Variants in DHX9 observed in about 807,000 individuals in gnomAD.
DHX9 encodes the protein DExH-box helicase 9.
In DHX9, 27 loss-of-function variants were observed where a neutral mutation model predicts 148.7. That is an observed-to-expected ratio of 0.18 (90% CI 0.13 to 0.25). The LOEUF is 0.25. Ranked by LOEUF, DHX9 falls within the 10% of genes least tolerant of loss-of-function variation. DHX9 has a pLI of 1.00. For synonymous variants in DHX9, 529 were observed against 516.6 expected, an observed-to-expected ratio of 1.02 and a Z score of -0.33; for missense variants, 796 against 1,559.6, an observed-to-expected ratio of 0.51 and a Z score of 8.25.
Position 182,867,025 on chromosome 1 carries a change from A to T in DHX9, c.1539A>T (p.Ile513=). The stretch of plus-strand genomic sequence containing the variant: ...TCAGTCATGTAATTGTAGATGAAAT[A>T]CATGAAAGAGATATTAATGTAAGTA... The part of the protein sequence containing the change: ...RGISHVIVDE[I]HERDINTDFL... The change falls in exon 14 of 28, where the codon ATA becomes ATT. Residue 513 remains isoleucine (I), a synonymous_variant. Transcript: ENST00000367549. The T allele has an allele frequency of 5.0e-6, 8 of 1,603,724 alleles. No homozygotes were observed. Among genetic ancestry groups the T allele is most frequent in the South Asian group, 1.1e-5 (1 of 89,264 alleles).
intron 27 of DHX9, 69 bp downstream of exon 27, chr1:182,884,882 G>A (rs3130492): frequency 0.61 from 901,706 of 1,480,464 alleles, 283,160 homozygotes; most frequent in East Asian, 0.91. Flanking sequence ...TAGAATTCCT[G>A]AAGTTAGTGA....
At chr1:182,886,201 A>AT (rs931293171) in intron 27 of DHX9, among the ~76,000 whole-genome samples, 1 of 150,884 alleles carries the variant, frequency 6.6e-6, no homozygotes, top group Non-Finnish European at 1.5e-5. Flanking sequence ...TTATTTATTT[A>AT]TTTATTTATT....
chr1:182,871,969 G>A (rs955310660), intron 14 of DHX9, among the ~76,000 whole-genome samples: 2 of 152,044 alleles, frequency 1.3e-5, no homozygotes, highest in African/African-American at 4.8e-5. Context: ...ACCACACTGG[G>A]CTAATTTTGT....
chr1:182,878,980 A>G (rs1392393667), intron 20 of DHX9, among the ~76,000 whole-genome samples: 1 of 152,260 alleles, frequency 6.6e-6, no homozygotes, highest in Admixed American at 6.5e-5. Context: ...GGGTGGAGCT[A>G]ATAACATTCG....
At position 182,855,054 on chromosome 1, in the gene DHX9, A is replaced by G. The variant is rs117186190; in HGVS notation, c.626+876A>G. ...GCATCTAGCGACCCTGAAATAATTAATATTAATACAAAATTTTGTCACTGA... is the reference window on the plus strand; with the variant it reads ...GCATCTAGCGACCCTGAAATAATTAGTATTAATACAAAATTTTGTCACTGA... On this transcript the variant is annotated intron_variant, in intron 6 of 27. Coordinates refer to ENST00000367549, the MANE Select transcript of DHX9 (RefSeq NM_001357.5). Among the ~76,000 whole-genome samples the G allele has an allele frequency of 3.9e-3, 585 of 151,896 alleles. 2 individuals are homozygous for G. The highest frequency in any genetic ancestry group is 9.0e-3 in the East Asian group (47 of 5,194).
chr1:182,880,451 A>G (rs1649036274), intron 21 of DHX9, 46 bp from the exon 22 acceptor site: 2 of 1,294,406 alleles, frequency 1.5e-6, no homozygotes, highest in Non-Finnish European at 1.1e-6. Context: ...TCTGCCTAAA[A>G]TTAGTGTTCA....
At chr1:182,866,127 G>C (rs1173190787) in intron 12 of DHX9, among the ~76,000 whole-genome samples, 3 of 152,150 alleles carry the variant, frequency 2.0e-5, no homozygotes, top group African/African-American at 7.2e-5. Flanking sequence ...TTCTAAAACT[G>C]TTTTTAGTGT....
intron 24 of DHX9, among the ~76,000 whole-genome samples, chr1:182,882,583 C>G (rs1649133612): frequency 6.6e-6 from 1 of 152,076 alleles, no homozygotes. Flanking sequence ...AGTAATCACC[C>G]CGGCCGGGCG....
intron 11 of DHX9, among the ~76,000 whole-genome samples, chr1:182,859,495 G>A (rs985552071): frequency 2.0e-5 from 3 of 152,190 alleles, no homozygotes; most frequent in African/African-American, 7.2e-5. Context: ...CAGAAGTGTA[G>A]TGAAAAGAAG....
intron 24 of DHX9, 128 bp downstream of exon 24, chr1:182,881,775 T>G (rs968183741): frequency 1.0e-6 from 1 of 985,542 alleles, no homozygotes; most frequent in Non-Finnish European, 1.4e-6. Flanking sequence ...CGACTATTTC[T>G]TAGTTCTCGT....
chr1:182,871,148 C>G (rs1170361652), intron 14 of DHX9, among the ~76,000 whole-genome samples: 2 of 152,182 alleles, frequency 1.3e-5, no homozygotes, highest in African/African-American at 4.8e-5. Flanking sequence ...CTCAAAGATT[C>G]CAATATGTTA....
rs148388692 is a variant in DHX9, at chr1:182,840,420, C to T, written c.-23+964C>T. Among the ~76,000 whole-genome samples the T allele has an allele frequency of 4.5e-3, 676 of 151,744 alleles. 5 individuals are homozygous for T. Among genetic ancestry groups the T allele is most frequent in the African/African-American group, 0.016 (648 of 41,246 alleles). ...GTTCAAGTGATTCTCCTGCCTCAGC[C>T]TCCGGAGTAGCTGGGACTACAGGCG... On this transcript the variant is annotated intron_variant, in intron 1 of 27. Coordinates refer to ENST00000367549, the MANE Select transcript of DHX9 (RefSeq NM_001357.5).
chr1:182,871,507 G>C (rs1178115569), intron 14 of DHX9, among the ~76,000 whole-genome samples: 2 of 152,144 alleles, frequency 1.3e-5, no homozygotes, highest in Non-Finnish European at 2.9e-5. Flanking sequence ...CTATAGCTTG[G>C]CAATTCCATA....
chr1:182,876,775 C>T, intron 18 of DHX9, 55 bp from the exon 19 acceptor site: 1 of 1,374,650 alleles, frequency 7.3e-7, no homozygotes, highest in Non-Finnish European at 1.0e-6. Flanking sequence ...CAAATCAGTC[C>T]TTTTAAGTAA....
chr1:182,856,928 C>G (rs1170437550), intron 7 of DHX9, among the ~76,000 whole-genome samples: 1 of 152,094 alleles, frequency 6.6e-6, no homozygotes, highest in Non-Finnish European at 1.5e-5. Context: ...CGGCTCACTG[C>G]AAGCTCCGCC....
intron 14 of DHX9, 100 bp from the exon 15 acceptor site, chr1:182,872,237 T>C: frequency 1.0e-6 from 1 of 974,658 alleles, no homozygotes; most frequent in Non-Finnish European, 1.5e-6. Context: ...TCTAAGAAAC[T>C]GAATTTAATT....
Position 182,873,503 on chromosome 1 carries a change from G to A in DHX9, c.1714+1010G>A, listed in dbSNP as rs72727045. On this transcript the variant is annotated intron_variant, in intron 15 of 27. Coordinates refer to ENST00000367549, the MANE Select transcript of DHX9 (RefSeq NM_001357.5). ...GGAAATGCCATACAAGTAAATGGATGGCAAGTGGTGGGAGCTCAGTTTCTT... is the reference window on the plus strand; with the variant it reads ...GGAAATGCCATACAAGTAAATGGATAGCAAGTGGTGGGAGCTCAGTTTCTT... Among the ~76,000 whole-genome samples, 1,057 of 152,318 alleles carry A rather than the reference G, an allele frequency of 6.9e-3. 12 individuals carry two copies. Among genetic ancestry groups the A allele is most frequent in the Non-Finnish European group, 6.7e-3 (458 of 68,020 alleles).
chr1:182,875,234 T>C, intron 16 of DHX9: 1 of 477,738 alleles, frequency 2.1e-6, no homozygotes, highest in Non-Finnish European at 4.1e-6. Flanking sequence ...TTAGGGACAA[T>C]GCTGTTGTAT....
chr1:182,877,160 G>C, intron 19 of DHX9: 1 of 391,034 alleles, frequency 2.6e-6, no homozygotes, highest in Non-Finnish European at 4.6e-6. Flanking sequence ...TTGGCTGCTG[G>C]TGTCTCACTT....
Sources: gnomAD v4.1 joint callset for allele counts (sites outside exome capture counted in the v4.1 genomes callset) on GRCh38, gnomAD v4.1.1 for gene constraint, MANE v1.5 for transcripts, NCBI Gene and HGNC (gene_info 2026-07-23, HGNC 2026-07-21) for gene names.